The following DOCK8 variants were observed in gnomAD, a reference collection of about 807,000 sequenced individuals.
DOCK8 encodes the protein dedicator of cytokinesis 8.
Under a neutral mutation model 245.6 loss-of-function variants are expected in DOCK8, and 141 were observed. That is an observed-to-expected ratio of 0.57 (90% confidence interval 0.50 to 0.66). The LOEUF (loss-of-function observed/expected upper bound fraction) is 0.66, where lower values mean the gene tolerates loss of function less well. DOCK8 is among the 30% of genes least tolerant of loss of function. The pLI is 0.00. For missense variants in DOCK8, 2,965 were observed against 2,603.4 expected, an observed-to-expected ratio of 1.14 and a Z score of -3.02; for synonymous variants, 1,168 against 970.2, an observed-to-expected ratio of 1.20 and a Z score of -3.79.
In DOCK8 at chr9:441,216, G is replaced by A. The variant is rs1415346069; in HGVS notation, c.5224-70G>A. On this transcript the variant is annotated intron_variant, in intron 40 of 47. Coordinates refer to ENST00000432829, the MANE Select transcript of DOCK8 (RefSeq NM_203447.4). ...CTCTCCAGCACATTGTTTGGACAAT[G>A]ACCTCTGGTTGCTCTTCTTAAGTTT... 7 of 1,594,180 alleles carry A rather than the reference G, an allele frequency of 4.4e-6. No individual in the cohort carries two copies. The African/African-American group carries it at 9.4e-5, about 21-fold the overall frequency.
chr9:344,900 A>G (rs1179210942), intron 14 of DOCK8, among the ~76,000 whole-genome samples: 1 of 152,018 alleles, frequency 6.6e-6, no homozygotes, highest in Non-Finnish European at 1.5e-5. Context: ...AAAAATACAA[A>G]AAGTAACTGG....
In DOCK8 at chr9:441,329, T is replaced by G. The variant is rs1564072871; in HGVS notation, c.5267T>G (p.Ile1756Ser). The change falls in exon 41 of 48, where the codon ATC (isoleucine) becomes AGC (serine). Residue 1756 changes from isoleucine (I) to serine (S), a missense_variant. By Grantham distance (142) the Ile-to-Ser change is moderately radical (BLOSUM62 -2). This residue lies in a region of DOCK8 where 2,825 missense variants were observed against 2,453.5 expected (regional missense o/e 1.15). Coordinates refer to ENST00000432829, the MANE Select transcript of DOCK8 (RefSeq NM_203447.4). ...ETVNEVYKLVIPILEAHREFR... is the reference protein window; with the variant it reads ...ETVNEVYKLVSPILEAHREFR... The stretch of plus-strand genomic sequence containing the variant: ...GTTAATGAGGTCTACAAGCTGGTCA[T>G]CCCCATCCTAGAAGCGCATCGAGAA... The G allele has an allele frequency of 1.9e-6, 3 of 1,614,160 alleles. No individual in the cohort carries two copies.
intron 14 of DOCK8, among the ~76,000 whole-genome samples, chr9:341,935 G>A (rs2051616179): frequency 6.6e-6 from 1 of 152,182 alleles, no homozygotes; most frequent in Non-Finnish European, 1.5e-5. Flanking sequence ...TCTAGGTTGT[G>A]CGCTCCTTAT....
At chr9:417,419 A>G (rs2056075259) in intron 29 of DOCK8, among the ~76,000 whole-genome samples, 1 of 152,270 alleles carries the variant, frequency 6.6e-6, no homozygotes. Context: ...CTAGAAAAAC[A>G]TGAATTTTTA....
chr9:211,639 G>C (rs1264857944), upstream of DOCK8, among the ~76,000 whole-genome samples: 1 of 152,126 alleles, frequency 6.6e-6, no homozygotes, highest in African/African-American at 2.4e-5. Context: ...GGCAGACCTT[G>C]GTAGGTGATT....
intron 4 of DOCK8, among the ~76,000 whole-genome samples, chr9:296,660 T>C (rs1466290006): frequency 6.6e-6 from 1 of 152,212 alleles, no homozygotes; most frequent in Admixed American, 6.5e-5. Context: ...ACCATAAAAA[T>C]GTTTCCCTGA....
chr9:254,312 G>C (rs2047718884), intron 1 of DOCK8, among the ~76,000 whole-genome samples: 2 of 152,162 alleles, frequency 1.3e-5, no homozygotes, highest in Non-Finnish European at 2.9e-5. Flanking sequence ...CAGATAATAT[G>C]AGGCCAGAAA....
At chr9:357,639 G>C (rs1339811314) in intron 14 of DOCK8, among the ~76,000 whole-genome samples, 1 of 151,790 alleles carries the variant, frequency 6.6e-6, no homozygotes, top group African/African-American at 2.4e-5. Flanking sequence ...GGGGTGTAGA[G>C]GTCCCTGATG....
intron 46 of DOCK8, among the ~76,000 whole-genome samples, chr9:455,927 G>T (rs778939111): frequency 1.3e-4 from 20 of 152,158 alleles, no homozygotes; most frequent in Non-Finnish European, 2.5e-4. Flanking sequence ...TCATTCAGCA[G>T]TTATTGAGCT....
chr9:337,030 C>T (rs544116184), intron 12 of DOCK8, among the ~76,000 whole-genome samples: 1 of 152,178 alleles, frequency 6.6e-6, no homozygotes, highest in Admixed American at 6.5e-5. Flanking sequence ...CATGCTAGCT[C>T]AGGTCTCTCT....
chr9:378,878 G>C (rs1191241691), intron 20 of DOCK8, among the ~76,000 whole-genome samples: 1 of 152,224 alleles, frequency 6.6e-6, no homozygotes, highest in Non-Finnish European at 1.5e-5. Flanking sequence ...AAGGATTCCA[G>C]CTTTCACAGA....
chr9:215,501 A>G, intron 1 of DOCK8: 1 of 1,433,098 alleles, frequency 7.0e-7, no homozygotes, highest in Non-Finnish European at 9.2e-7. Flanking sequence ...TGTCGTCCTG[A>G]GCAAGGCTCC....
At chr9:267,389 A>G (rs1343940186) in intron 1 of DOCK8, among the ~76,000 whole-genome samples, 1 of 152,096 alleles carries the variant, frequency 6.6e-6, no homozygotes, top group Admixed American at 6.6e-5. Context: ...TATTTTTTGT[A>G]GAGACTGGGT....
chr9:432,938 A>G (rs920626375), intron 37 of DOCK8, among the ~76,000 whole-genome samples: 6 of 152,182 alleles, frequency 3.9e-5, no homozygotes, highest in African/African-American at 1.4e-4. Flanking sequence ...AGCCTGTCCC[A>G]TTTGTCTTTT....
At chr9:251,206 A>G (rs1167130342) in intron 1 of DOCK8, among the ~76,000 whole-genome samples, 6 of 152,208 alleles carry the variant, frequency 3.9e-5, no homozygotes, top group Non-Finnish European at 7.3e-5. Flanking sequence ...TGGACTTCAC[A>G]GGGCTTCACT....
intron 2 of DOCK8, chr9:280,727 G>T (rs12343056): frequency 0.38 from 58,269 of 152,026 alleles, 11,509 homozygotes; most frequent in Non-Finnish European, 0.44. Flanking sequence ...AATGACTGAT[G>T]ATGTAACTGA....
intron 7 of DOCK8, among the ~76,000 whole-genome samples, chr9:324,751 G>A (rs1036290266): frequency 6.6e-6 from 1 of 152,148 alleles, no homozygotes; most frequent in African/African-American, 2.4e-5. Flanking sequence ...CTAAGGAAAA[G>A]CAATTGAACT....
chr9:429,625 C>T (rs2056634769), intron 35 of DOCK8, 77 bp from the exon 36 acceptor site: 3 of 1,555,404 alleles, frequency 1.9e-6, no homozygotes, highest in African/African-American at 1.4e-5. Flanking sequence ...TCCAAATGGA[C>T]ATTTGCATAT....
At chr9:273,338 T>C (rs1009632328) in intron 2 of DOCK8, among the ~76,000 whole-genome samples, 2 of 152,206 alleles carry the variant, frequency 1.3e-5, no homozygotes, top group Non-Finnish European at 2.9e-5. Context: ...CAAGTGCATA[T>C]TGTGTCCATT....
Sources: allele counts gnomAD v4.1 joint callset (sites outside exome capture counted in the v4.1 genomes callset), GRCh38; gene constraint gnomAD v4.1.1; regional missense constraint gnomAD v4.1.1; transcripts MANE v1.5; gene names NCBI Gene and HGNC (gene_info 2026-07-23, HGNC 2026-07-21).